TEX9: variants seen among roughly 807,000 people sequenced by gnomAD.
The protein encoded by TEX9 is testis expressed 9.
TEX9 carries 74 observed loss-of-function variants against 59.6 expected under a neutral mutation model. That is an observed-to-expected ratio of 1.24 (90% confidence interval 1.03 to 1.51). TEX9 has a LOEUF of 1.51. Ranked by LOEUF, TEX9 falls within the 40% of genes most tolerant of loss-of-function variation. The probability of loss-of-function intolerance (pLI) is 0.00; values close to 1 mark genes in which losing one functional copy is unlikely to be tolerated. For missense variants in TEX9, 522 were observed against 447.8 expected (o/e 1.17, Z -1.49); for synonymous variants, 186 against 152.2 (o/e 1.22, Z -1.64).
chr15:56,261,455 T>G (rs1319602773), intron 1 of TEX9, among the ~76,000 whole-genome samples: 4 of 152,090 alleles, frequency 2.6e-5, no homozygotes, highest in Non-Finnish European at 4.4e-5. Context: ...CAGTGGCTCA[T>G]GCCTGTAATC....
In TEX9 at chr15:56,340,946, G is replaced by A. The variant is rs111409935; in HGVS notation, c.-106-32495G>A. Among the ~76,000 whole-genome samples, 325 of 151,892 alleles carry A rather than the reference G, an allele frequency of 2.1e-3. 1 individual carries two copies. Among genetic ancestry groups the A allele is most frequent in the African/African-American group, 7.3e-3 (303 of 41,304 alleles). ...CCATTTCTGCAGGCCCATAGGGTTC[G>A]GGCACACCTGGGGTTCAATGTTCTG... is the stretch of plus-strand genomic sequence containing the variant. On this transcript the variant is annotated intron_variant, in intron 1 of 5. Transcript: ENST00000560827.
chr15:56,300,710 A>AGAGAGAGAGG (rs2045335348), intron 1 of TEX9, among the ~76,000 whole-genome samples: 1 of 37,150 alleles, frequency 2.7e-5, no homozygotes. Flanking sequence ...AGAGAGAGGG[A>AGAGAGAGAGG]GAGAGAGAGA....
intron 9 of TEX9, among the ~76,000 whole-genome samples, chr15:56,402,043 T>C (rs1162190351): frequency 1.3e-5 from 2 of 152,022 alleles, no homozygotes; most frequent in Non-Finnish European, 2.9e-5. Flanking sequence ...AGATCTAAAA[T>C]TGACACCCTA....
intron 9 of TEX9, among the ~76,000 whole-genome samples, chr15:56,411,849 A>C (rs1424206973): frequency 1.3e-5 from 2 of 152,200 alleles, no homozygotes; most frequent in Non-Finnish European, 2.9e-5. Context: ...CTATAGGGCT[A>C]TATAGAATGT....
chr15:56,253,981 A>C (rs2044087910), intron 1 of TEX9, among the ~76,000 whole-genome samples: 1 of 152,180 alleles, frequency 6.6e-6, no homozygotes, highest in Non-Finnish European at 1.5e-5. Flanking sequence ...TGAAATAAAA[A>C]TGGCAAGAAC....
chr15:56,268,088 T>G (rs1235283585), intron 1 of TEX9, among the ~76,000 whole-genome samples: 2 of 152,208 alleles, frequency 1.3e-5, no homozygotes, highest in Non-Finnish European at 2.9e-5. Context: ...TTGTAGCAAT[T>G]GTGAATGGGA....
At chr15:56,376,618 T>G (rs2047466612) in intron 3 of TEX9, among the ~76,000 whole-genome samples, 2 of 152,158 alleles carry the variant, frequency 1.3e-5, no homozygotes, top group South Asian at 4.1e-4. Context: ...TTATTAGATT[T>G]TTTTTCCTAT....
intron 1 of TEX9, among the ~76,000 whole-genome samples, chr15:56,260,077 G>T (rs1392738037): frequency 1.3e-5 from 2 of 151,950 alleles, no homozygotes; most frequent in South Asian, 2.1e-4. Flanking sequence ...AAATACAATA[G>T]ATTTTTATGT....
intron 8 of TEX9, 112 bp from the exon 9 acceptor site, chr15:56,394,549 T>C (rs1184567759): frequency 2.4e-6 from 2 of 827,862 alleles, no homozygotes; most frequent in African/African-American, 1.8e-5. Flanking sequence ...AATTTGTTTT[T>C]CATGAAACGT....
At chr15:56,412,019 C>G (rs1200550702) in intron 9 of TEX9, among the ~76,000 whole-genome samples, 2 of 151,962 alleles carry the variant, frequency 1.3e-5, no homozygotes. Context: ...TATACTGTGT[C>G]TTGAGTCAAT....
intron 1 of TEX9, among the ~76,000 whole-genome samples, chr15:56,280,971 T>A (rs1355841607): frequency 1.3e-5 from 2 of 152,238 alleles, no homozygotes; most frequent in African/African-American, 4.8e-5. Context: ...AGGGATTTAA[T>A]GAATTTAAGA....
chr15:56,360,340 G>C lies in TEX9; in HGVS notation c.-106-13101G>C, dbSNP rs532484397. Among the ~76,000 whole-genome samples the C allele has an allele frequency of 2.0e-5, 3 of 152,248 alleles. 1 individual carries two copies. Among genetic ancestry groups the C allele is most frequent in the East Asian group, 3.9e-4 (2 of 5,186 alleles). On this transcript the variant is annotated intron_variant, in intron 1 of 5. Coordinates refer to the TEX9 transcript ENST00000560827. Reference sequence around the variant, plus strand: ...TAAATGTATGTTAGAATTCACCAGAGAAACCATCTGGGACTGGTGATTTCT... The same window carrying C: ...TAAATGTATGTTAGAATTCACCAGACAAACCATCTGGGACTGGTGATTTCT...
intron 9 of TEX9, among the ~76,000 whole-genome samples, chr15:56,407,394 A>G (rs773684172): frequency 1.3e-5 from 2 of 152,098 alleles, no homozygotes; most frequent in Non-Finnish European, 2.9e-5. Context: ...ATACAAGTCT[A>G]TTCTGATTTT....
chr15:56,274,429 A>G (rs1247758710), intron 1 of TEX9: 1 of 152,166 alleles, frequency 6.6e-6, no homozygotes, highest in Non-Finnish European at 1.5e-5. Context: ...TTGTCAGATA[A>G]TTGTAATGTC....
chr15:56,449,459 T>A (rs1396910473), downstream of TEX9, among the ~76,000 whole-genome samples: 2 of 152,214 alleles, frequency 1.3e-5, no homozygotes, highest in African/African-American at 4.8e-5. Flanking sequence ...TTAAATTTGG[T>A]CAGGATGATT....
intron 1 of TEX9, among the ~76,000 whole-genome samples, chr15:56,247,195 C>A (rs992980959): frequency 6.6e-6 from 1 of 152,154 alleles, no homozygotes; most frequent in African/African-American, 2.4e-5. Context: ...ACTGTCCAGA[C>A]TGTAGTATAT....
At chr15:56,429,340 T>C in intron 12 of TEX9, 1 of 580,296 alleles carries the variant, frequency 1.7e-6, no homozygotes, top group Non-Finnish European at 2.9e-6. Context: ...AAAAAATCAA[T>C]ACTTTTCAAA....
chr15:56,259,539 A>G (rs1312690581), intron 1 of TEX9, among the ~76,000 whole-genome samples: 5 of 152,062 alleles, frequency 3.3e-5, no homozygotes, highest in African/African-American at 4.8e-5. Flanking sequence ...CAGTGGCATC[A>G]TTGTTGTACA....
chr15:56,460,009 A>AAAAATATAT, the TEX9 span, among the ~76,000 whole-genome samples: 4 of 26,386 alleles, frequency 1.5e-4, 1 homozygote, highest in African/African-American at 1.5e-4. Flanking sequence ...AAAAAAAAAA[A>AAAAATATAT]ATACATATAT....
Sources: gnomAD v4.1 joint callset for allele counts (sites outside exome capture counted in the v4.1 genomes callset) on GRCh38, gnomAD v4.1.1 for gene constraint, MANE v1.5 for transcripts, NCBI Gene and HGNC (gene_info 2026-07-23, HGNC 2026-07-21) for gene names.